CDH18: variants seen among roughly 807,000 people sequenced by gnomAD.
The protein encoded by CDH18 is cadherin-18.
In CDH18, 31 loss-of-function variants were observed where a neutral mutation model predicts 67.9. That is an observed-to-expected ratio of 0.46 (90% CI 0.34 to 0.62). The LOEUF (loss-of-function observed/expected upper bound fraction) is 0.62, where lower values mean the gene tolerates loss of function less well. Among genes scored for constraint, CDH18 ranks in the 20% least tolerant of loss-of-function variants. The probability of loss-of-function intolerance (pLI) is 0.01; values close to 1 mark genes in which losing one functional copy is unlikely to be tolerated. For synonymous variants in CDH18, 362 were observed against 347.2 expected (o/e 1.04, Z -0.48); for missense variants, 890 against 975.5 (o/e 0.91, Z 1.17).
chr5:20,341,067 C>A (rs77609937), intron 1 of CDH18, among the ~76,000 whole-genome samples: 9,716 of 152,186 alleles, frequency 0.064, 443 homozygotes, highest in South Asian at 0.15. Context: ...CATACTGGTT[C>A]AAATCCATCT....
intron 5 of CDH18, among the ~76,000 whole-genome samples, chr5:19,716,416 T>TTAATTATAATTA (rs1406149604): frequency 1.3e-5 from 2 of 152,090 alleles, no homozygotes; most frequent in African/African-American, 4.8e-5. Context: ...AACTATAACG[T>TTAATTATAATTA]GACTCCAAAT....
chr5:19,936,319 T>A (rs1794254582), intron 2 of CDH18, among the ~76,000 whole-genome samples: 1 of 151,292 alleles, frequency 6.6e-6, no homozygotes, highest in Non-Finnish European at 1.5e-5. Flanking sequence ...CTTTCTTTTT[T>A]AAAAAAATAA....
chr5:20,302,320 G>A (rs1262463741), intron 1 of CDH18, among the ~76,000 whole-genome samples: 3 of 152,166 alleles, frequency 2.0e-5, no homozygotes, highest in East Asian at 1.9e-4. Context: ...GGGCAGGGCC[G>A]GTATTAACAG....
At chr5:19,688,945 G>A (rs1204807055) in intron 5 of CDH18, among the ~76,000 whole-genome samples, 1 of 151,930 alleles carries the variant, frequency 6.6e-6, no homozygotes, top group Non-Finnish European at 1.5e-5. Flanking sequence ...GTAGAATAAA[G>A]AATTTTAGAA....
chr5:20,507,789 TTACTGTGACTC>T (rs1372502587), intron 1 of CDH18, among the ~76,000 whole-genome samples: 1 of 152,146 alleles, frequency 6.6e-6, no homozygotes. Flanking sequence ...GGTTTAATGC[TTACTGTGACTC>T]TACATAAGGG....
intron 2 of CDH18, among the ~76,000 whole-genome samples, chr5:20,177,820 C>T (rs1737360487): frequency 6.6e-6 from 1 of 151,956 alleles, no homozygotes; most frequent in South Asian, 2.1e-4. Flanking sequence ...AAAGGGAAAC[C>T]CATTTTGCTT....
chr5:20,499,399 T>C (rs1045516973), intron 1 of CDH18, among the ~76,000 whole-genome samples: 5 of 152,134 alleles, frequency 3.3e-5, no homozygotes, highest in Admixed American at 6.6e-5. Context: ...TGTTATTTTT[T>C]ATTCTTTTCT....
At chr5:20,214,879 A>G (rs1486629469) in intron 2 of CDH18, among the ~76,000 whole-genome samples, 1 of 152,124 alleles carries the variant, frequency 6.6e-6, no homozygotes, top group South Asian at 2.1e-4. Flanking sequence ...TCACAGCAAA[A>G]GAAACTATCA....
At position 20,242,638 on chromosome 5, in the gene CDH18, A is replaced by ATATATATACATATATATATATG. The variant is rs1743065808; in HGVS notation, c.-518+12805_-518+12806insCATATATATATATGTATATATA. Reference sequence around the variant, plus strand: ...TATATATATATATATATATATGTATATATATATATATATGTAAATGGACTA... The same window carrying ATATATATACATATATATATATG: ...TATATATATATATATATATATGTATATATATATACATATATATATATGTATATATATATATGTAAATGGACTA... On this transcript the variant is annotated intron_variant, in intron 2 of 14. Coordinates refer to the CDH18 transcript ENST00000507958. Among the ~76,000 whole-genome samples, 34 of 109,446 alleles carry ATATATATACATATATATATATG rather than the reference A, an allele frequency of 3.1e-4. 1 individual carries two copies. Among genetic ancestry groups the ATATATATACATATATATATATG allele is most frequent in the African/African-American group, 9.0e-4 (17 of 18,872 alleles). The allele number at this position is 109,446 out of a possible 152,430, so 71.8% of individuals were successfully genotyped here.
intron 1 of CDH18, among the ~76,000 whole-genome samples, chr5:20,533,976 T>C (rs563317658): frequency 1.3e-5 from 2 of 151,962 alleles, no homozygotes; most frequent in South Asian, 4.1e-4. Flanking sequence ...GGGTCCTAAG[T>C]ATAGTTAAAA....
chr5:20,543,440 A>G (rs1757165251), intron 1 of CDH18, among the ~76,000 whole-genome samples: 1 of 152,074 alleles, frequency 6.6e-6, no homozygotes, highest in African/African-American at 2.4e-5. Context: ...TTTAGCATAC[A>G]TACTTTAGTG....
chr5:20,146,617 TAAA>T (rs11327817), intron 2 of CDH18, among the ~76,000 whole-genome samples: 3 of 145,742 alleles, frequency 2.1e-5, no homozygotes, highest in African/African-American at 2.5e-5. Context: ...ACTAATTTTG[TAAA>T]AAAAAAAAAA....
At chr5:20,531,337 T>C (rs1756385195) in intron 1 of CDH18, among the ~76,000 whole-genome samples, 1 of 152,020 alleles carries the variant, frequency 6.6e-6, no homozygotes, top group Non-Finnish European at 1.5e-5. Flanking sequence ...ATGGCAATTC[T>C]GCAAAGATTA....
At chr5:20,341,787 A>C (rs1465040190) in intron 1 of CDH18, among the ~76,000 whole-genome samples, 1 of 152,036 alleles carries the variant, frequency 6.6e-6, no homozygotes, top group Non-Finnish European at 1.5e-5. Flanking sequence ...GAACACTGAT[A>C]GTCCTTGATG....
intron 2 of CDH18, among the ~76,000 whole-genome samples, chr5:20,067,758 C>G (rs538783388): frequency 6.6e-6 from 1 of 152,182 alleles, no homozygotes; most frequent in Admixed American, 6.5e-5. Flanking sequence ...TAACGATGAA[C>G]ATTCCCATAT....
chr5:20,108,256 AT>A (rs1007192544), intron 2 of CDH18, among the ~76,000 whole-genome samples: 2 of 150,418 alleles, frequency 1.3e-5, no homozygotes, highest in African/African-American at 2.4e-5. Context: ...ATTTTATTTT[AT>A]TTTTTTTTAT....
chr5:19,886,399 T>C (rs1375890495), intron 2 of CDH18: 1 of 152,060 alleles, frequency 6.6e-6, no homozygotes, highest in Non-Finnish European at 1.5e-5. Flanking sequence ...GCAAAAAGAA[T>C]CAAAATCACA....
At chr5:19,873,317 C>A (rs78962511) in intron 2 of CDH18, among the ~76,000 whole-genome samples, 4,990 of 152,008 alleles carry the variant, frequency 0.033, 254 homozygotes, top group African/African-American at 0.1. Flanking sequence ...CTAAAATGGG[C>A]CTGTAATAGT....
chr5:19,519,033 C>G (rs540555916), intron 10 of CDH18, among the ~76,000 whole-genome samples: 493 of 152,194 alleles, frequency 3.2e-3, no homozygotes, highest in Non-Finnish European at 6.1e-3. Context: ...CTAGCTGTAC[C>G]CGGTCAGGTA....
Sources: allele counts gnomAD v4.1 joint callset (sites outside exome capture counted in the v4.1 genomes callset), GRCh38; gene constraint gnomAD v4.1.1; transcripts MANE v1.5; gene names NCBI Gene and HGNC (gene_info 2026-07-23, HGNC 2026-07-21).